PTPRT: variants seen among roughly 807,000 people sequenced by gnomAD.
The protein encoded by PTPRT is receptor-type tyrosine-protein phosphatase T.
PTPRT carries 56 observed loss-of-function variants against 176.8 expected under a neutral mutation model. The ratio of observed to expected loss-of-function variants is 0.32; its 90% CI spans 0.26 to 0.40. PTPRT has a LOEUF of 0.40. Among genes scored for constraint, PTPRT ranks in the 10% least tolerant of loss-of-function variants. The pLI, the probability that PTPRT is intolerant of heterozygous loss-of-function variation, is 1.00. For missense variants in PTPRT, 1,540 were observed against 1,908.2 expected (o/e 0.81, Z 3.60); for synonymous variants, 783 against 739.0 (o/e 1.06, Z -0.96).
chr20:42,709,334 G>A (rs2076108837), intron 6 of PTPRT, among the ~76,000 whole-genome samples: 1 of 152,160 alleles, frequency 6.6e-6, no homozygotes, highest in African/African-American at 2.4e-5. Flanking sequence ...CGGTCATAGG[G>A]GTGGATCCAT....
chr20:42,639,638 G>C (rs2074692232), intron 7 of PTPRT, among the ~76,000 whole-genome samples: 1 of 152,126 alleles, frequency 6.6e-6, no homozygotes, highest in African/African-American at 2.4e-5. Flanking sequence ...TTAGCCCACA[G>C]TCTTCTGGGC....
rs534647526 is a variant in PTPRT at position 42,527,628 on chromosome 20, A to G, written c.1154-55066T>C. Among the ~76,000 whole-genome samples, 10 of 152,344 alleles carry G rather than the reference A, an allele frequency of 6.6e-5. No homozygotes were observed. The South Asian group carries it at 2.1e-3, about 32-fold the overall frequency. On this transcript the variant is annotated intron_variant, in intron 7 of 30. Coordinates refer to ENST00000373187, the MANE Select transcript of PTPRT (RefSeq NM_007050.6). ...CAGAAGGAGCAGAAGGGTCTTTGCT[A>G]TCTCAAAATCAGAAGTCTGTTCCTC...
At chr20:42,796,702 G>A (rs2077460081) in intron 2 of PTPRT, among the ~76,000 whole-genome samples, 1 of 152,228 alleles carries the variant, frequency 6.6e-6, no homozygotes, top group African/African-American at 2.4e-5. Context: ...CATGACTTAG[G>A]AGAAGTATGT....
At chr20:42,367,098 T>C (rs1279843164) in intron 9 of PTPRT, among the ~76,000 whole-genome samples, 1 of 152,188 alleles carries the variant, frequency 6.6e-6, no homozygotes, top group Non-Finnish European at 1.5e-5. Context: ...AGGAAATACT[T>C]TGGGATTATA....
intron 7 of PTPRT, among the ~76,000 whole-genome samples, chr20:42,501,949 C>G (rs966750092): frequency 6.6e-6 from 1 of 151,940 alleles, no homozygotes; most frequent in African/African-American, 2.4e-5. Context: ...ATTTTTCATT[C>G]TCTGAAAGAG....
intron 1 of PTPRT, among the ~76,000 whole-genome samples, chr20:43,157,938 G>A (rs2014570953): frequency 6.6e-6 from 1 of 152,254 alleles, no homozygotes; most frequent in Middle Eastern, 3.4e-3. Flanking sequence ...TGAGTGAGAT[G>A]GAGGAATTTG....
At chr20:42,504,563 A>C (rs2071811564) in intron 7 of PTPRT, among the ~76,000 whole-genome samples, 1 of 152,122 alleles carries the variant, frequency 6.6e-6, no homozygotes, top group Non-Finnish European at 1.5e-5. Flanking sequence ...ATGTTTCATC[A>C]ACTTTTTTCC....
chr20:42,812,628 A>G (rs1387123246), intron 2 of PTPRT, among the ~76,000 whole-genome samples: 1 of 149,492 alleles, frequency 6.7e-6, no homozygotes. Context: ...TCGCTTCAGG[A>G]TTTTTTTTTT....
chr20:42,257,513 G>A (rs1051149833), intron 13 of PTPRT, among the ~76,000 whole-genome samples: 1 of 152,024 alleles, frequency 6.6e-6, no homozygotes, highest in Non-Finnish European at 1.5e-5. Flanking sequence ...AGTGTTGGAG[G>A]TGGGGCCTGG....
At chr20:42,372,571 C>T (rs746807826) in intron 9 of PTPRT, among the ~76,000 whole-genome samples, 2 of 152,068 alleles carry the variant, frequency 1.3e-5, no homozygotes, top group Non-Finnish European at 2.9e-5. Context: ...AGGCGTGAGC[C>T]ACTATGCCAA....
At chr20:42,366,049 G>A (rs573429542) in intron 9 of PTPRT, among the ~76,000 whole-genome samples, 3 of 152,310 alleles carry the variant, frequency 2.0e-5, no homozygotes, top group African/African-American at 7.2e-5. Flanking sequence ...TGCTCCAGGG[G>A]ACTTCCCAAA....
rs748881709 is a variant in PTPRT, at chr20:42,161,519, A to G, written c.2515T>C (p.Ser839Pro). 6.2e-7 allele frequency: 1 copy of G among 1,611,762 alleles called. No homozygotes were observed. Among genetic ancestry groups the G allele is most frequent in the Non-Finnish European group, 8.5e-7 (1 of 1,178,774 alleles). ...GFTDGSRGELSQPTLTIQTHP... is the reference protein window; with the variant it reads ...GFTDGSRGELPQPTLTIQTHP... ...GTCTGGATCGTGAGGGTGGGCTGGGAAAGCTCCCCGCGGCTGCCATCTGCT... is the reference window on the plus strand; with the variant it reads ...GTCTGGATCGTGAGGGTGGGCTGGGGAAGCTCCCCGCGGCTGCCATCTGCT... Residue 839 changes from serine to proline, a missense_variant, in exon 17 of 31, where the codon TCC (serine) becomes CCC (proline). Around this residue, in one of 11 missense-constraint regions of PTPRT, gnomAD observed 255 missense variants for 250.1 expected, o/e 1.02. Coordinates refer to ENST00000373187, the MANE Select transcript of PTPRT (RefSeq NM_007050.6).
At chr20:42,071,193 C>T (rs964441603), downstream of PTPRT, among the ~76,000 whole-genome samples, 4 of 152,162 alleles carry the variant, frequency 2.6e-5, no homozygotes, top group Non-Finnish European at 5.9e-5. Context: ...GCGCTCCACC[C>T]CTGCGGCTTG....
At chr20:42,960,235 T>C (rs916161137) in intron 1 of PTPRT, among the ~76,000 whole-genome samples, 1 of 152,210 alleles carries the variant, frequency 6.6e-6, no homozygotes, top group Admixed American at 6.5e-5. Flanking sequence ...AATTTATCAA[T>C]TGTAGACGTT....
At chr20:42,098,372 G>C (rs761875111) in intron 27 of PTPRT, 49 bp downstream of exon 27, 3 of 1,607,598 alleles carry the variant, frequency 1.9e-6, no homozygotes, top group South Asian at 1.1e-5. Context: ...TCCAGGTTTA[G>C]AGCATGGCCC....
intron 9 of PTPRT, among the ~76,000 whole-genome samples, chr20:42,370,564 G>T (rs558133877): frequency 6.6e-6 from 1 of 152,124 alleles, no homozygotes; most frequent in Admixed American, 6.5e-5. Context: ...GAGACTTTGG[G>T]CAAGGTGCTT....
chr20:43,093,926 A>T (rs940634030), intron 1 of PTPRT, among the ~76,000 whole-genome samples: 2 of 151,608 alleles, frequency 1.3e-5, no homozygotes, highest in African/African-American at 4.8e-5. Context: ...TTCCTTCTCA[A>T]CCTTCAAGAT....
rs372040016 is a variant in PTPRT, at chr20:42,536,084, G to A, written c.1154-63522C>T. Among the ~76,000 whole-genome samples, 475 of 152,126 alleles carry A rather than the reference G, an allele frequency of 3.1e-3. 18 individuals carry two copies. The South Asian group carries it at 0.094, about 30-fold the overall frequency. On this transcript the variant is annotated intron_variant, in intron 7 of 30. Transcript: ENST00000373187. The stretch of plus-strand genomic sequence containing the variant: ...CCTGCACTAGGTTTAAAGCAGAAAC[G>A]AATGCTGCACCAAGCAGAAGCCTCA...
chr20:43,142,319 C>T (rs1197337087), intron 1 of PTPRT, among the ~76,000 whole-genome samples: 2 of 152,236 alleles, frequency 1.3e-5, no homozygotes, highest in African/African-American at 4.8e-5. Flanking sequence ...ACAGAACCAG[C>T]CTGGCCACAG....
Sources: gnomAD v4.1 joint callset for allele counts (sites outside exome capture counted in the v4.1 genomes callset) on GRCh38, gnomAD v4.1.1 for gene constraint, gnomAD v4.1.1 regional missense constraint, MANE v1.5 for transcripts, NCBI Gene and HGNC (gene_info 2026-07-23, HGNC 2026-07-21) for gene names.